The following CHST9 variants were observed in gnomAD, a reference collection of about 807,000 sequenced individuals.
CHST9 encodes GalNAc-4-sulfotransferase 2.
CHST9 carries 41 observed loss-of-function variants against 44.4 expected under a neutral mutation model. The observed-to-expected ratio is 0.92, with a 90% CI of 0.72 to 1.20. The LOEUF is 1.20. Among genes scored for constraint, CHST9 ranks in the 50% most tolerant of loss-of-function variants. The pLI is 0.00. For missense variants in CHST9, 504 were observed against 516.5 expected (o/e 0.98, Z 0.23); for synonymous variants, 171 against 178.4 (o/e 0.96, Z 0.33).
rs1256335623 is a variant in CHST9, at chr18:27,142,749, C to T, written c.61G>A (p.Gly21Arg). The change falls in exon 2 of 6, where the codon GGA becomes AGA. Residue 21 changes from glycine (G) to arginine (R), a missense_variant. Gly to Arg is a moderately radical substitution (Grantham distance 125). Coordinates refer to ENST00000618847, the MANE Select transcript of CHST9 (RefSeq NM_031422.6). The part of the protein sequence containing the change: ...KQVFLSVLIF[G>R]VAGLLLFMYL... Reference sequence around the variant, plus strand: ...ATGAAGAGGAGTAGCCCAGCTACTCCAAATATCAGCACAGAGAGGAAGACT... The same window carrying T: ...ATGAAGAGGAGTAGCCCAGCTACTCTAAATATCAGCACAGAGAGGAAGACT... The T allele has an allele frequency of 2.5e-6, 4 of 1,611,978 alleles. No individual in the cohort carries two copies. The highest frequency in any genetic ancestry group is 3.4e-6 in the Non-Finnish European group (4 of 1,178,898).
intron 4 of CHST9, among the ~76,000 whole-genome samples, chr18:27,010,267 CTA>C (rs373000788): frequency 1.3e-4 from 20 of 152,100 alleles, no homozygotes; most frequent in African/African-American, 4.8e-4. Context: ...CTCTCATGGT[CTA>C]TGTTTTTTTC....
intron 2 of CHST9, among the ~76,000 whole-genome samples, chr18:27,110,866 T>C (rs1483409511): frequency 1.3e-5 from 2 of 152,230 alleles, no homozygotes; most frequent in Non-Finnish European, 2.9e-5. Context: ...ACCTGGGAAC[T>C]TGCTAGAAAT....
In CHST9 at chr18:26,915,116, T is replaced by C. The variant is rs1372617734; in HGVS notation, c.*1143A>G. On this transcript the variant is annotated 3_prime_UTR_variant, in exon 6 of 6. Coordinates refer to ENST00000618847, the MANE Select transcript of CHST9 (RefSeq NM_031422.6). ...ATTTGAATGCAATGGTATCTGACTT[T>C]GTTAGTATAGAATATTTAAACTTAA... 1 of 395,562 alleles carries C rather than the reference T, an allele frequency of 2.5e-6. No individual in the cohort carries two copies. Among genetic ancestry groups the C allele is most frequent in the East Asian group, 3.6e-5 (1 of 27,918 alleles). The allele number at this position is 395,562 out of a possible 1,614,324, so 24.5% of individuals were successfully genotyped here. A position where few individuals can be genotyped will look rare whatever the true frequency, so the allele number is the denominator to read the frequency against.
intron 2 of CHST9, among the ~76,000 whole-genome samples, chr18:27,102,427 T>G (rs537843826): frequency 2.0e-3 from 303 of 152,298 alleles, no homozygotes; most frequent in African/African-American, 6.9e-3. Flanking sequence ...TTCATTCTAC[T>G]TTGGTCTAGT....
intron 4 of CHST9, among the ~76,000 whole-genome samples, chr18:26,951,914 T>G (rs116367213): frequency 0.017 from 2,651 of 152,242 alleles, 79 homozygotes; most frequent in African/African-American, 0.061. Context: ...CTTGGTGAAG[T>G]GCATGCAGCC....
rs1170808654 is a variant in CHST9 at position 27,083,056 on chromosome 18, T to A, written c.122-34553A>T. ...GAAGGATCCACAAAGAAATATATAA[T>A]CCATGTGAAGAGATAGCCGTAAGGA... is the stretch of plus-strand genomic sequence containing the variant. On this transcript the variant is annotated intron_variant, in intron 2 of 5. Transcript: ENST00000618847. Among the ~76,000 whole-genome samples the A allele has an allele frequency of 3.9e-5, 6 of 152,200 alleles. No homozygotes were observed. The East Asian group carries it at 9.6e-4, about 24-fold the overall frequency.
intron 2 of CHST9, among the ~76,000 whole-genome samples, chr18:27,139,275 T>C (rs908064766): frequency 6.6e-6 from 1 of 152,070 alleles, no homozygotes; most frequent in African/African-American, 2.4e-5. Flanking sequence ...TCAAAGCCAT[T>C]TAGATTTTAA....
intron 5 of CHST9, among the ~76,000 whole-genome samples, chr18:26,940,243 C>T (rs1214396589): frequency 2.6e-5 from 4 of 151,648 alleles, no homozygotes; most frequent in Non-Finnish European, 5.9e-5. Context: ...CCTGTCTTTG[C>T]ATGACTGTGT....
intron 4 of CHST9, among the ~76,000 whole-genome samples, chr18:27,010,223 T>C (rs1371479686): frequency 1.3e-5 from 2 of 152,212 alleles, no homozygotes; most frequent in Non-Finnish European, 2.9e-5. Context: ...TCTCATATTC[T>C]TAACTTTTAG....
intron 4 of CHST9, among the ~76,000 whole-genome samples, chr18:27,019,635 T>C (rs1428003093): frequency 6.9e-6 from 1 of 144,420 alleles, no homozygotes; most frequent in African/African-American, 2.6e-5. Context: ...GTTATATTCT[T>C]GCCGTCAAGG....
chr18:27,104,673 T>C (rs1230945779), intron 2 of CHST9, among the ~76,000 whole-genome samples: 4 of 152,228 alleles, frequency 2.6e-5, no homozygotes, highest in East Asian at 1.9e-4. Flanking sequence ...CGAAAAATGA[T>C]TGATGGTGCT....
At chr18:27,123,586 T>C (rs1422024284) in intron 2 of CHST9, among the ~76,000 whole-genome samples, 1 of 152,160 alleles carries the variant, frequency 6.6e-6, no homozygotes, top group African/African-American at 2.4e-5. Context: ...TAATAGGCAA[T>C]GGGGAAAAAT....
At position 27,163,658 on chromosome 18, in the gene CHST9, T is replaced by A. The variant is rs7230827; in HGVS notation, c.-96-20753A>T. Among the ~76,000 whole-genome samples the A allele has an allele frequency of 3.6e-3, 550 of 152,298 alleles. 2 individuals carry two copies. Among genetic ancestry groups the A allele is most frequent in the African/African-American group, 0.012 (494 of 41,560 alleles). On this transcript the variant is annotated intron_variant, in intron 1 of 5. Transcript: ENST00000618847. Reference sequence around the variant, plus strand: ...CTGCTGTGACGTTTGCTAAGACCACTGGAAAAGCGCATTATTAGGGTGGGA... The same window carrying A: ...CTGCTGTGACGTTTGCTAAGACCACAGGAAAAGCGCATTATTAGGGTGGGA...
At chr18:27,141,680 G>A (rs936758021) in intron 2 of CHST9, among the ~76,000 whole-genome samples, 22 of 138,998 alleles carry the variant, frequency 1.6e-4, no homozygotes, top group African/African-American at 5.9e-4. Flanking sequence ...AATCATAGTT[G>A]TAACTCAGTA....
At chr18:27,053,388 G>GTC (rs2057612381) in intron 2 of CHST9, among the ~76,000 whole-genome samples, 1 of 149,694 alleles carries the variant, frequency 6.7e-6, no homozygotes, top group African/African-American at 2.5e-5. Flanking sequence ...CATCCTTGGT[G>GTC]TCTGCTCAGG....
At chr18:27,165,399 T>C (rs2058782433) in intron 1 of CHST9, among the ~76,000 whole-genome samples, 1 of 152,150 alleles carries the variant, frequency 6.6e-6, no homozygotes, top group African/African-American at 2.4e-5. Context: ...CAAAATGGCA[T>C]CACTATAATG....
chr18:26,973,703 T>C (rs1200778863), intron 4 of CHST9, among the ~76,000 whole-genome samples: 4 of 152,220 alleles, frequency 2.6e-5, no homozygotes, highest in Non-Finnish European at 4.4e-5. Context: ...CCCCTTTAAA[T>C]GGGAAAGTGT....
chr18:27,089,954 G>A (rs1259792222), intron 2 of CHST9, among the ~76,000 whole-genome samples: 1 of 151,996 alleles, frequency 6.6e-6, no homozygotes, highest in Admixed American at 6.6e-5. Context: ...GGGACTACAG[G>A]TGCCCACCAC....
intron 1 of CHST9, among the ~76,000 whole-genome samples, chr18:27,149,467 A>T (rs1311579827): frequency 1.3e-5 from 2 of 152,086 alleles, no homozygotes; most frequent in African/African-American, 4.8e-5. Context: ...GGTCAATTCC[A>T]TGTCTTTGCT....
Sources: allele counts gnomAD v4.1 joint callset (sites outside exome capture counted in the v4.1 genomes callset), GRCh38; gene constraint gnomAD v4.1.1; transcripts MANE v1.5; gene names NCBI Gene and HGNC (gene_info 2026-07-23, HGNC 2026-07-21).